Variants in ZMYM2 observed in about 807,000 individuals in gnomAD.
ZMYM2 encodes the protein zinc finger MYM-type protein 2.
Under a neutral mutation model 162.8 loss-of-function variants are expected in ZMYM2, and 56 were observed. The observed-to-expected ratio is 0.34, with a 90% CI of 0.28 to 0.43. The LOEUF (loss-of-function observed/expected upper bound fraction) is 0.43. Ranked by LOEUF, ZMYM2 falls within the 20% of genes least tolerant of loss-of-function variation. ZMYM2 has a pLI of 1.00. For synonymous variants in ZMYM2, 510 were observed against 541.6 expected (o/e 0.94, Z 0.81); for missense variants, 1,275 against 1,621.8 (o/e 0.79, Z 3.67).
At chr13:20,029,426 A>C (rs1195443065) in intron 9 of ZMYM2, among the ~76,000 whole-genome samples, 3 of 152,254 alleles carry the variant, frequency 2.0e-5, no homozygotes, top group Admixed American at 2.0e-4. Flanking sequence ...TTCAGACTGT[A>C]GCATATTCCA....
At chr13:19,910,511 C>CA in the ZMYM2 span, among the ~76,000 whole-genome samples, 1 of 151,366 alleles carries the variant, frequency 6.6e-6, no homozygotes, top group Admixed American at 6.6e-5. Flanking sequence ...GCCCTGTGGA[C>CA]ACACCTTTCT....
chr13:20,027,645 C>T (rs1359400611), intron 9 of ZMYM2, among the ~76,000 whole-genome samples: 4 of 151,962 alleles, frequency 2.6e-5, no homozygotes, highest in Admixed American at 6.6e-5. Context: ...ATGTGACAAA[C>T]GGATAGAGGA....
chr13:20,056,492 A>G (rs751623284), intron 14 of ZMYM2, among the ~76,000 whole-genome samples: 25 of 152,188 alleles, frequency 1.6e-4, no homozygotes, highest in Non-Finnish European at 2.9e-4. Context: ...ACGGTGTACC[A>G]CATGAGGGAG....
intron 14 of ZMYM2, among the ~76,000 whole-genome samples, chr13:20,055,762 A>G (rs1164466541): frequency 6.6e-6 from 1 of 152,180 alleles, no homozygotes; most frequent in Non-Finnish European, 1.5e-5. Flanking sequence ...AGATACAATA[A>G]TGACTAAACT....
intron 18 of ZMYM2, 93 bp downstream of exon 18, chr13:20,063,064 G>T: frequency 1.5e-6 from 2 of 1,334,232 alleles, no homozygotes; most frequent in Non-Finnish European, 2.0e-6. Context: ...TTGCCTTTTA[G>T]CAGTGTTCAT....
At chr13:20,016,548 C>T (rs1951645834) in intron 6 of ZMYM2, among the ~76,000 whole-genome samples, 1 of 152,136 alleles carries the variant, frequency 6.6e-6, no homozygotes, top group Non-Finnish European at 1.5e-5. Flanking sequence ...TGGCAACAAA[C>T]TCCCTCCACC....
chr13:19,870,161 T>C, the ZMYM2 span, among the ~76,000 whole-genome samples: 1 of 150,116 alleles, frequency 6.7e-6, no homozygotes, highest in Non-Finnish European at 1.5e-5. Flanking sequence ...GCCTTTTTTA[T>C]TTATTTATTT....
intron 16 of ZMYM2, among the ~76,000 whole-genome samples, chr13:20,059,886 T>A (rs1316111298): frequency 6.6e-6 from 1 of 151,898 alleles, no homozygotes; most frequent in Non-Finnish European, 1.5e-5. Flanking sequence ...ATGTAAAAAT[T>A]AGCCAGGCAC....
upstream of ZMYM2, among the ~76,000 whole-genome samples, chr13:19,956,253 GTGTCT>G: frequency 7.4e-6 from 1 of 134,628 alleles, no homozygotes; most frequent in East Asian, 2.5e-4. Context: ...GTGGTCTTTT[GTGTCT>G]TGTTTATTCA....
chr13:20,069,750 A>G (rs1391802730), intron 21 of ZMYM2, among the ~76,000 whole-genome samples: 2 of 151,956 alleles, frequency 1.3e-5, no homozygotes, highest in African/African-American at 2.4e-5. Context: ...GCAGATGTTC[A>G]TAAGGATAAG....
chr13:20,058,843 T>TA, intron 15 of ZMYM2, 139 bp downstream of exon 15: 1 of 1,101,406 alleles, frequency 9.1e-7, no homozygotes, highest in Non-Finnish European at 1.4e-6. Context: ...GCTTACGTAA[T>TA]TTTAGATATT....
rs1244843936 is a variant in ZMYM2, at chr13:20,063,110, A to G, written c.3037+139A>G. On this transcript the variant is annotated intron_variant, in intron 18 of 24. Transcript: ENST00000610343. ...CTTGTTATTTTTTAAACTCACCTTA[A>G]GAGTTAACTTCATATTTTGTTGTTG... 4.6e-6 allele frequency: 5 copies of G among 1,086,198 alleles called. No individual in the cohort carries two copies. The Admixed American group carries it at 1.7e-4, about 38-fold the overall frequency. 67.3% of individuals were successfully genotyped at this position (1,086,198 alleles called of 1,614,324 possible).
chr13:19,938,122 G>A, the ZMYM2 span, among the ~76,000 whole-genome samples: 1 of 152,124 alleles, frequency 6.6e-6, no homozygotes, highest in Non-Finnish European at 1.5e-5. Context: ...ATGTGTGCAT[G>A]TGTCTTTATA....
chr13:19,933,283 A>C, the ZMYM2 span, among the ~76,000 whole-genome samples: 252 of 152,286 alleles, frequency 1.7e-3, 1 homozygote, highest in African/African-American at 5.7e-3. Flanking sequence ...TCTGGGAATA[A>C]GGTCCAGAAA....
At chr13:20,063,312 A>G (rs1194403806) in intron 18 of ZMYM2, among the ~76,000 whole-genome samples, 1 of 147,034 alleles carries the variant, frequency 6.8e-6, no homozygotes, top group Non-Finnish European at 1.5e-5. Context: ...CTGAGGCAGG[A>G]GGATTGCTTG....
rs74035480 is a variant in ZMYM2 at position 20,043,240 on chromosome 13, C to T, written c.2292+6331C>T. On this transcript the variant is annotated intron_variant, in intron 12 of 24. Transcript: ENST00000610343. ...GTATCCACTGTGCTGGGGAGACTGA[C>T]GTGTTTGGGGCCGCTGATCACTACA... Among the ~76,000 whole-genome samples, 968 of 152,214 alleles carry T rather than the reference C, an allele frequency of 6.4e-3. 18 individuals carry two copies. The highest frequency in any genetic ancestry group is 0.022 in the African/African-American group (906 of 41,520).
intron 2 of ZMYM2, chr13:19,970,097 C>A: frequency 1.0e-6 from 1 of 982,924 alleles, no homozygotes; most frequent in African/African-American, 1.7e-5. Context: ...AAGCCCTCTA[C>A]TCCATCTGTT....
intron 1 of ZMYM2, 192 bp from the exon 2 acceptor site, chr13:19,959,766 A>G (rs1259459180): frequency 6.6e-6 from 1 of 152,046 alleles, no homozygotes; most frequent in Non-Finnish European, 1.5e-5. Context: ...TTGGCCCCAA[A>G]TATGTATTTT....
chr13:20,010,000 C>T (rs185886930), intron 6 of ZMYM2, among the ~76,000 whole-genome samples: 7 of 152,252 alleles, frequency 4.6e-5, no homozygotes, highest in Non-Finnish European at 1.0e-4. Context: ...TTTACACAAC[C>T]GTACCATTTT....
Sources: gnomAD v4.1 joint callset for allele counts (sites outside exome capture counted in the v4.1 genomes callset) on GRCh38, gnomAD v4.1.1 for gene constraint, MANE v1.5 for transcripts, NCBI Gene and HGNC (gene_info 2026-07-23, HGNC 2026-07-21) for gene names.